ARSH: variants seen among roughly 807,000 people sequenced by gnomAD.
ARSH encodes arylsulfatase H.
In ARSH, 32 loss-of-function variants were observed where a neutral mutation model predicts 28.7. The ratio of observed to expected loss-of-function variants is 1.11; its 90% CI spans 0.84 to 1.50. ARSH has a LOEUF of 1.50. Among genes scored for constraint, ARSH ranks in the 40% most tolerant of loss-of-function variants. The pLI, the probability that ARSH is intolerant of heterozygous loss-of-function variation, is 0.00. For synonymous variants in ARSH, 176 were observed against 177.3 expected, an observed-to-expected ratio of 0.99 and a Z score of 0.06; for missense variants, 440 against 452.4, an observed-to-expected ratio of 0.97 and a Z score of 0.25.
chrX:3,009,457 T>A (rs2089840224), intron 1 of ARSH, among the ~76,000 whole-genome samples: 1 of 109,885 alleles, frequency 9.1e-6, no homozygotes, highest in Non-Finnish European at 1.9e-5. Context: ...GGTAATAGAG[T>A]GAGACCACGT....
At chrX:3,020,468 A>G (rs2089879538) in intron 5 of ARSH, among the ~76,000 whole-genome samples, 2 of 104,461 alleles carry the variant, frequency 1.9e-5, no homozygotes, top group Non-Finnish European at 2.0e-5. Flanking sequence ...GGGCGCCTGT[A>G]GTCCCAGCTA....
Position 3,010,034 on chromosome X carries a change from C to A in ARSH, c.97C>A (p.Pro33Thr), listed in dbSNP as rs2089841930. The A allele has an allele frequency of 8.3e-7, 1 of 1,211,104 alleles. No individual in the cohort carries two copies. Among genetic ancestry groups the A allele is most frequent in the Non-Finnish European group, 1.1e-6 (1 of 895,142 alleles). Residue 33 changes from proline to threonine, a missense_variant, in exon 2 of 9, where the codon CCT (proline) becomes ACT (threonine). Pro to Thr is a conservative substitution (Grantham distance 38). Coordinates refer to ENST00000381130, the MANE Select transcript of ARSH (RefSeq NM_001011719.2). ...GAATTCTTCTTTGGTCTGCAGCACA[C>A]CTAATATTGACCGCCTGGCAAGTGA... ...CCYGNNSVST[P>T]NIDRLASEGV...
At chrX:3,009,252 G>A (rs949155619) in intron 1 of ARSH, among the ~76,000 whole-genome samples, 4 of 110,247 alleles carry the variant, frequency 3.6e-5, no homozygotes, top group Non-Finnish European at 7.6e-5. Flanking sequence ...TGGGGAAAGT[G>A]GATCACTTGA....
intron 1 of ARSH, 144 bp from the exon 2 acceptor site, chrX:3,009,886 A>T: frequency 1.5e-6 from 1 of 665,222 alleles, no homozygotes; most frequent in Non-Finnish European, 2.3e-6. Flanking sequence ...ATAAGGAAAT[A>T]GACAGATTAA....
chrX:3,012,584 T>TA (rs1555914127), intron 2 of ARSH, among the ~76,000 whole-genome samples: 7 of 13,611 alleles, frequency 5.1e-4, no homozygotes, highest in South Asian at 6.6e-3. Flanking sequence ...TATATATATA[T>TA]ATATATATAT....
chrX:3,025,843 C>T (rs768941), intron 6 of ARSH, among the ~76,000 whole-genome samples: 16,567 of 109,863 alleles, frequency 0.15, 1,197 homozygotes, highest in African/African-American at 0.27. Context: ...ATTATAATTG[C>T]ATGAGTATGT....
chrX:3,020,516 G>A (rs1391702151), intron 5 of ARSH, among the ~76,000 whole-genome samples: 4 of 100,273 alleles, frequency 4.0e-5, no homozygotes, highest in Admixed American at 2.3e-4. Context: ...GTGAACCTGG[G>A]AGGCGGAGCT....
At chrX:3,019,903 C>G (rs1278326367) in intron 5 of ARSH, among the ~76,000 whole-genome samples, 1 of 110,672 alleles carries the variant, frequency 9.0e-6, no homozygotes, top group Non-Finnish European at 1.9e-5. Flanking sequence ...ATAAATTTCT[C>G]TTGTATATTT....
intron 8 of ARSH, among the ~76,000 whole-genome samples, 189 bp downstream of exon 8, chrX:3,029,557 G>T (rs778649996): frequency 3.3e-4 from 37 of 111,208 alleles, no homozygotes; most frequent in Non-Finnish European, 5.8e-4. Context: ...TTGAGATAGG[G>T]TCTCACTCTG....
chrX:3,012,391 A>C (rs920730638), intron 2 of ARSH, among the ~76,000 whole-genome samples: 7 of 101,180 alleles, frequency 6.9e-5, no homozygotes, highest in Middle Eastern at 4.8e-3. Flanking sequence ...CACACACACA[A>C]AAAATAGCCA....
intron 8 of ARSH, among the ~76,000 whole-genome samples, chrX:3,032,507 G>GGAAA (rs1271681443): frequency 1.0e-5 from 1 of 97,758 alleles, no homozygotes; most frequent in Admixed American, 1.2e-4. Flanking sequence ...AAGGAAGGAG[G>GGAAA]GAAAGAAAGA....
intron 5 of ARSH, among the ~76,000 whole-genome samples, chrX:3,019,684 C>T (rs183840721): frequency 1.1e-4 from 12 of 111,139 alleles, no homozygotes; most frequent in Admixed American, 9.7e-4. Flanking sequence ...AGTTATCAGC[C>T]GCCTCTGTTG....
intron 5 of ARSH, among the ~76,000 whole-genome samples, chrX:3,020,852 A>G (rs1309213215): frequency 9.1e-6 from 1 of 110,139 alleles, no homozygotes; most frequent in African/African-American, 3.3e-5. Flanking sequence ...CAGTTATTTT[A>G]TTTGCACGGT....
chrX:3,007,943 G>A (rs1174683568), intron 1 of ARSH, among the ~76,000 whole-genome samples: 8 of 111,187 alleles, frequency 7.2e-5, no homozygotes, highest in Non-Finnish European at 1.5e-4. Context: ...ATTGGATAAG[G>A]GTCCACTTTA....
intron 7 of ARSH, 141 bp from the exon 8 acceptor site, chrX:3,029,106 C>G: frequency 6.7e-5 from 38 of 566,106 alleles, no homozygotes; most frequent in Non-Finnish European, 9.5e-5. Flanking sequence ...AAAAGAAATT[C>G]TTCCTCTTTA....
chrX:3,013,189 C>T lies in ARSH; in HGVS notation c.340+17C>T. 1 of 1,197,392 alleles carries T rather than the reference C, an allele frequency of 8.4e-7. No individual in the cohort carries two copies. The highest frequency in any genetic ancestry group is 1.8e-5 in the South Asian group (1 of 54,385). On this transcript the variant is annotated intron_variant, in intron 3 of 8. Transcript: ENST00000381130. Reference sequence around the variant, plus strand: ...GACTCATAGGTATGGCGCCGGAACTCTGCCCGTGGAAACGTGATCCTGCAG... The same window carrying T: ...GACTCATAGGTATGGCGCCGGAACTTTGCCCGTGGAAACGTGATCCTGCAG...
At chrX:3,020,588 C>CAAAAAAAAAAAAAAA (rs759581189) in intron 5 of ARSH, among the ~76,000 whole-genome samples, 3 of 44,340 alleles carry the variant, frequency 6.8e-5, no homozygotes, top group Admixed American at 3.9e-4. Context: ...GACTCAGTCT[C>CAAAAAAAAAAAAAAA]AAAAAAAAAA....
chrX:3,015,359 C>T lies in ARSH; in HGVS notation c.730C>T (p.Leu244Phe). The change falls in exon 4 of 9, where the codon CTC becomes TTC. Residue 244 changes from leucine (L) to phenylalanine (F), a missense_variant. By Grantham distance (22) the Leu-to-Phe change is conservative. Transcript: ENST00000381130. ...AATGAAAGAGGAGAAAGTAGCTTCC[C>T]TCATGCTGAAGGAGGCACTTGCTTT... ...QPMKEEKVASLMLKEALAFIE... is the reference protein window; with the variant it reads ...QPMKEEKVASFMLKEALAFIE... 8.3e-7 allele frequency: 1 copy of T among 1,211,536 alleles called. No homozygotes were observed.
At chrX:3,012,345 C>T (rs993245694) in intron 2 of ARSH, among the ~76,000 whole-genome samples, 5 of 102,176 alleles carry the variant, frequency 4.9e-5, no homozygotes, top group African/African-American at 1.8e-4. Context: ...AGAGACCAGC[C>T]CGGCCAACAT....
Sources: gnomAD v4.1 joint callset for allele counts (sites outside exome capture counted in the v4.1 genomes callset) on GRCh38, gnomAD v4.1.1 for gene constraint, MANE v1.5 for transcripts, NCBI Gene and HGNC (gene_info 2026-07-23, HGNC 2026-07-21) for gene names.